Variants in ABCG1 observed in about 807,000 individuals in gnomAD.
ABCG1 encodes the protein ATP binding cassette subfamily G member 1.
In ABCG1, 29 loss-of-function variants were observed where a neutral mutation model predicts 69.2. The observed-to-expected ratio is 0.42, with a 90% confidence interval of 0.31 to 0.57. The LOEUF is 0.57. Among genes scored for constraint, ABCG1 ranks in the 20% least tolerant of loss-of-function variants. The pLI is 0.15. For synonymous variants in ABCG1, 370 were observed against 374.8 expected, an observed-to-expected ratio of 0.99 and a Z score of 0.15; for missense variants, 718 against 898.1, an observed-to-expected ratio of 0.80 and a Z score of 2.56.
intron 2 of ABCG1, among the ~76,000 whole-genome samples, chr21:42,264,611 G>T (rs1380775573): frequency 6.6e-6 from 1 of 152,254 alleles, no homozygotes; most frequent in Non-Finnish European, 1.5e-5. Flanking sequence ...ATGGAAAGGT[G>T]AGGTTCCTAC....
At chr21:42,292,058 C>T (rs950558594) in intron 13 of ABCG1, among the ~76,000 whole-genome samples, 21 of 152,154 alleles carry the variant, frequency 1.4e-4, no homozygotes, top group African/African-American at 4.1e-4. Context: ...GCATCACTGC[C>T]TCTGTGGGGT....
chr21:42,285,805 T>C, intron 7 of ABCG1, 75 bp from the exon 8 acceptor site: 1 of 970,492 alleles, frequency 1.0e-6, no homozygotes, highest in East Asian at 2.4e-5. Context: ...GATTGGTTGA[T>C]TGATTGATTG....
At chr21:42,259,213 CT>C in intron 2 of ABCG1, 1 of 1,433,916 alleles carries the variant, frequency 7.0e-7, no homozygotes, top group Non-Finnish European at 9.1e-7. Context: ...GTCGCTGGTG[CT>C]GGGCTCAGCT....
chr21:42,238,140 A>G (rs1403509290), intron 2 of ABCG1, among the ~76,000 whole-genome samples: 2 of 152,190 alleles, frequency 1.3e-5, no homozygotes, highest in Non-Finnish European at 2.9e-5. Flanking sequence ...TTCTAATAAT[A>G]ATAGTATTAG....
chr21:42,280,072 G>A (rs1171291127), intron 5 of ABCG1, among the ~76,000 whole-genome samples: 1 of 152,232 alleles, frequency 6.6e-6, no homozygotes, highest in Non-Finnish European at 1.5e-5. Flanking sequence ...ACAATGCAGA[G>A]AGCCCTCCCC....
At position 42,273,174 on chromosome 21, in the gene ABCG1, C is replaced by T. The variant is rs1260198812; in HGVS notation, c.405-129C>T. On this transcript the variant is annotated intron_variant, in intron 3 of 14. Transcript: ENST00000398449. The surrounding 1 kb of genome is among the most constrained non-coding windows in gnomAD (Gnocchi z 5.3). ...GTCCCTTTCTGCCCCTCGGGGTCCC[C>T]GTGGCCAGTGGTTCAGCTGGGAAGA... 4 of 1,330,332 alleles carry T rather than the reference C, an allele frequency of 3.0e-6. No homozygotes were observed. The highest frequency in any genetic ancestry group is 1.4e-5 in the South Asian group (1 of 71,134). 82.4% of individuals were successfully genotyped at this position (1,330,332 alleles called of 1,614,324 possible).
chr21:42,202,437 C>G lies in ABCG1; in HGVS notation c.48+714C>G, dbSNP rs755373536. 2.6e-5 allele frequency among the ~76,000 whole-genome samples: 4 copies of G among 152,210 alleles called. No homozygotes were observed. The East Asian group carries it at 7.7e-4, about 29-fold the overall frequency. The stretch of plus-strand genomic sequence containing the variant: ...AGGAAGCATGGAGGAGTAAAGCCAT[C>G]TGGGGAGAGATGAGCAGTGAAAACC... On this transcript the variant is annotated intron_variant, in intron 2 of 15. Coordinates refer to the ABCG1 transcript ENST00000398457.
chr21:42,228,412 C>T (rs575199083), intron 2 of ABCG1, among the ~76,000 whole-genome samples: 3 of 152,306 alleles, frequency 2.0e-5, no homozygotes, highest in Non-Finnish European at 2.9e-5. Context: ...GCAGCACCTG[C>T]GTCTGTCTTC....
intron 1 of ABCG1, among the ~76,000 whole-genome samples, chr21:42,223,695 T>C (rs1203734906): frequency 6.6e-6 from 1 of 152,242 alleles, no homozygotes; most frequent in Non-Finnish European, 1.5e-5. Context: ...GGCTAATTGC[T>C]GACCCCAGGG....
At chr21:42,257,081 T>C (rs1334691591) in intron 2 of ABCG1, among the ~76,000 whole-genome samples, 1 of 152,252 alleles carries the variant, frequency 6.6e-6, no homozygotes, top group Non-Finnish European at 1.5e-5. Context: ...CAGACACCCT[T>C]AAGGTTAAGT....
chr21:42,294,529 C>A lies in ABCG1; in HGVS notation c.1654-13C>A. The A allele has an allele frequency of 1.2e-6, 2 of 1,604,778 alleles. No individual in the cohort carries two copies. Among genetic ancestry groups the A allele is most frequent in the Admixed American group, 1.7e-5 (1 of 60,014 alleles). On this transcript the variant is annotated splice_polypyrimidine_tract_variant and intron_variant, in intron 13 of 14. Coordinates refer to ENST00000398449, the MANE Select transcript of ABCG1 (RefSeq NM_016818.3). The stretch of plus-strand genomic sequence containing the variant: ...GGTTCTGCTACATCTGTCCTGTGTG[C>A]CCCCAACTCCAGGTGGCCACTTTCG...
intron 2 of ABCG1, among the ~76,000 whole-genome samples, chr21:42,228,507 C>T (rs953330109): frequency 6.6e-6 from 1 of 152,186 alleles, no homozygotes; most frequent in Non-Finnish European, 1.5e-5. Flanking sequence ...TGGTTTATCA[C>T]TCCAGCACAC....
chr21:42,210,764 T>C (rs188576153), intron 2 of ABCG1, among the ~76,000 whole-genome samples: 35 of 151,748 alleles, frequency 2.3e-4, no homozygotes, highest in Admixed American at 2.1e-3. Flanking sequence ...CCTCATCTCA[T>C]GGCCCCTCCT....
intron 1 of ABCG1, among the ~76,000 whole-genome samples, chr21:42,221,932 A>T (rs555045093): frequency 6.6e-6 from 1 of 152,300 alleles, no homozygotes; most frequent in East Asian, 1.9e-4. Flanking sequence ...TCTGCCCAGG[A>T]TTCAAACTGC....
chr21:42,235,918 G>A (rs1163932473), intron 2 of ABCG1, among the ~76,000 whole-genome samples: 2 of 152,204 alleles, frequency 1.3e-5, no homozygotes, highest in African/African-American at 4.8e-5. Context: ...CCATGGTTCA[G>A]GGGGCCTTTG....
chr21:42,225,874 T>A lies in ABCG1; in HGVS notation c.246T>A (p.Leu82=), dbSNP rs757938592. The part of the protein sequence containing the change: ...RAAVNIEFRD[L]SYSVPEGPWW... The stretch of plus-strand genomic sequence containing the variant: ...CTGTGAACATTGAATTCAGGGACCT[T>A]TCCTATTCGGTTCCTGAAGGACCCT... The change falls in exon 2 of 15, where the codon CTT becomes CTA. Residue 82 remains leucine (L), a synonymous_variant. Coordinates refer to ENST00000398449, the MANE Select transcript of ABCG1 (RefSeq NM_016818.3). 1.9e-6 allele frequency: 3 copies of A among 1,613,620 alleles called. No individual in the cohort carries two copies. In the South Asian group the frequency reaches 3.3e-5, roughly 18 times the overall value.
intron 4 of ABCG1, among the ~76,000 whole-genome samples, chr21:42,274,271 C>A (rs1023611537): frequency 7.2e-5 from 11 of 152,204 alleles, no homozygotes; most frequent in Admixed American, 6.5e-5. Flanking sequence ...TTTCTTTTCA[C>A]TCCTAGTAAG....
intron 2 of ABCG1, among the ~76,000 whole-genome samples, chr21:42,208,607 A>T (rs2067561886): frequency 6.6e-6 from 1 of 152,198 alleles, no homozygotes; most frequent in African/African-American, 2.4e-5. Flanking sequence ...TGTGGAAAAG[A>T]TACTTAGCCA....
intron 1 of ABCG1, among the ~76,000 whole-genome samples, chr21:42,222,317 C>T (rs530899866): frequency 4.6e-4 from 70 of 152,324 alleles, no homozygotes; most frequent in African/African-American, 1.5e-3. Context: ...CCTCGCATCA[C>T]GCAGTTTTCA....
Sources: allele counts gnomAD v4.1 joint callset (sites outside exome capture counted in the v4.1 genomes callset), GRCh38; gene constraint gnomAD v4.1.1; non-coding constraint Gnocchi (gnomAD v3.1); transcripts MANE v1.5; gene names NCBI Gene and HGNC (gene_info 2026-07-23, HGNC 2026-07-21).